Variants in FMO5 observed in about 807,000 individuals in gnomAD.
FMO5 encodes the protein flavin containing dimethylaniline monoxygenase 5, also known as flavin-containing monooxygenase 5.
Under a neutral mutation model 43.6 loss-of-function variants are expected in FMO5, and 51 were observed. That is an observed-to-expected ratio of 1.17 (90% CI 0.93 to 1.48). The LOEUF is 1.48. Ranked by LOEUF, FMO5 falls within the 40% of genes most tolerant of loss-of-function variation. The pLI is 0.00. For missense variants in FMO5, 644 were observed against 643.0 expected (o/e 1.00, Z -0.02); for synonymous variants, 187 against 216.5 (o/e 0.86, Z 1.20).
chr1:147,191,118 A>G (rs1656687925), intron 7 of FMO5, among the ~76,000 whole-genome samples: 1 of 152,034 alleles, frequency 6.6e-6, no homozygotes, highest in Non-Finnish European at 1.5e-5. Flanking sequence ...AGACTTTGCT[A>G]TTGTGAATAG....
chr1:147,226,179 G>A (rs1204414164), upstream of FMO5, among the ~76,000 whole-genome samples: 3 of 151,538 alleles, frequency 2.0e-5, no homozygotes, highest in Admixed American at 2.0e-4. Context: ...GTGGGAGGAG[G>A]GCAGCAGTAG....
intron 6 of FMO5, chr1:147,203,968 T>G (rs1659505122): frequency 1.2e-5 from 15 of 1,232,402 alleles, no homozygotes; most frequent in Non-Finnish European, 1.8e-5. Flanking sequence ...TACAGAGTCT[T>G]CGGACATCCC....
At chr1:147,207,620 T>A (rs587639757) in intron 6 of FMO5, among the ~76,000 whole-genome samples, 1 of 152,340 alleles carries the variant, frequency 6.6e-6, no homozygotes, top group East Asian at 1.9e-4. Flanking sequence ...TTTCTCTACA[T>A]CTCAGTTTTT....
intron 7 of FMO5, among the ~76,000 whole-genome samples, chr1:147,193,633 TG>T (rs1269380887): frequency 6.6e-6 from 1 of 152,210 alleles, no homozygotes; most frequent in African/African-American, 2.4e-5. Flanking sequence ...TGCTTTCTCT[TG>T]TGGGCATTTA....
rs11800925 is a variant in FMO5 at position 147,207,068 on chromosome 1, G to A, written c.830+1784C>T. On this transcript the variant is annotated intron_variant, in intron 6 of 8. Transcript: ENST00000254090. ...ATAAAAAATACTATTAGGGCAACTG[G>A]GGATATTGCCAATGTATTAATGTAT... Among the ~76,000 whole-genome samples the A allele has an allele frequency of 9.9e-3, 1,497 of 151,700 alleles. 25 individuals are homozygous for A. The highest frequency in any genetic ancestry group is 0.034 in the African/African-American group (1,423 of 41,320).
intron 7 of FMO5, among the ~76,000 whole-genome samples, chr1:147,191,974 G>C (rs1372811456): frequency 6.6e-6 from 1 of 152,040 alleles, no homozygotes; most frequent in African/African-American, 2.4e-5. Context: ...TTTTGGCTTA[G>C]GATTGACTTG....
At chr1:147,204,802 C>T (rs41480846) in intron 6 of FMO5, 48,789 of 1,599,242 alleles carry the variant, frequency 0.031, 1,125 homozygotes, top group South Asian at 0.089. Context: ...ATATGCTGTA[C>T]GAGTGGTTTG....
intron 5 of FMO5, chr1:147,210,229 T>C (rs1336961968): frequency 6.6e-6 from 1 of 152,172 alleles, no homozygotes; most frequent in African/African-American, 2.4e-5. Context: ...TTAAGAAATG[T>C]TTGATTGATT....
At chr1:147,184,487 A>G (rs1655450845), downstream of FMO5, 1 of 1,519,722 alleles carries the variant, frequency 6.6e-7, no homozygotes, top group Non-Finnish European at 8.8e-7. The surrounding 1 kb of genome is among the most constrained non-coding windows in gnomAD (Gnocchi z 4.4). Flanking sequence ...CATTACATTT[A>G]GATGTTATGT....
chr1:147,198,096 A>G (rs377141155), intron 7 of FMO5, among the ~76,000 whole-genome samples: 3 of 152,268 alleles, frequency 2.0e-5, no homozygotes, highest in Admixed American at 6.5e-5. Context: ...TAATGTTATG[A>G]GAGAAAAGAG....
At chr1:147,202,118 G>T (rs1553921139) in intron 6 of FMO5, among the ~76,000 whole-genome samples, 1 of 152,080 alleles carries the variant, frequency 6.6e-6, no homozygotes, top group African/African-American at 2.4e-5. Flanking sequence ...TAGGATTTTA[G>T]AATTTATCTC....
intron 3 of FMO5, among the ~76,000 whole-genome samples, chr1:147,214,397 G>C (rs1033235570): frequency 1.3e-5 from 2 of 151,380 alleles, no homozygotes; most frequent in African/African-American, 2.4e-5. Flanking sequence ...GTTGCAGTGA[G>C]CCGAGATCGT....
intron 7 of FMO5, among the ~76,000 whole-genome samples, chr1:147,191,597 T>G (rs1656836551): frequency 6.6e-6 from 1 of 151,958 alleles, no homozygotes; most frequent in East Asian, 1.9e-4. Context: ...CTTTGTCAGA[T>G]GAGTAGGTTG....
upstream of FMO5, among the ~76,000 whole-genome samples, chr1:147,227,254 T>C (rs781952468): frequency 6.6e-6 from 1 of 152,244 alleles, no homozygotes; most frequent in Non-Finnish European, 1.5e-5. Flanking sequence ...CCATTTTATA[T>C]GCTAGAAGTT....
At chr1:147,219,841 T>TC (rs1303530376) in intron 2 of FMO5, among the ~76,000 whole-genome samples, 78 of 27,860 alleles carry the variant, frequency 2.8e-3, no homozygotes, top group African/African-American at 4.6e-3. Flanking sequence ...TGTTAATTGC[T>TC]TTTTTTTTTT....
Position 147,213,478 on chromosome 1 carries a change from G to A in FMO5, c.325-8C>T, listed in dbSNP as rs1553924274. 1.3e-6 allele frequency: 2 copies of A among 1,593,512 alleles called. No homozygotes were observed. Among genetic ancestry groups the A allele is most frequent in the Admixed American group, 1.7e-5 (1 of 57,836 alleles). ...CACACTGCACACAGTGGTCTGAAAA[G>A]AAAAGTGATAACCACAGGGGACATC... is the stretch of plus-strand genomic sequence containing the variant. On this transcript the variant is annotated splice_polypyrimidine_tract_variant and splice_region_variant and intron_variant, in intron 3 of 8. Transcript: ENST00000254090.
intron 3 of FMO5, among the ~76,000 whole-genome samples, chr1:147,213,673 G>A (rs1429402051): frequency 6.6e-6 from 1 of 152,172 alleles, no homozygotes; most frequent in Non-Finnish European, 1.5e-5. Flanking sequence ...AAATAACATA[G>A]TGTTGGCAGG....
intron 7 of FMO5, among the ~76,000 whole-genome samples, chr1:147,191,813 A>G (rs1656890146): frequency 6.6e-6 from 1 of 152,080 alleles, no homozygotes; most frequent in Admixed American, 6.5e-5. Context: ...CAAAGATCAG[A>G]TGGTTGTAGA....
At chr1:147,226,634 G>T (rs113052531), upstream of FMO5, among the ~76,000 whole-genome samples, 3 of 152,098 alleles carry the variant, frequency 2.0e-5, no homozygotes, top group Non-Finnish European at 4.4e-5. Flanking sequence ...GTTGTAAGAG[G>T]CATGGATTGT....
Sources: gnomAD v4.1 joint callset for allele counts (sites outside exome capture counted in the v4.1 genomes callset) on GRCh38, gnomAD v4.1.1 for gene constraint, Gnocchi (gnomAD v3.1) non-coding constraint, MANE v1.5 for transcripts, NCBI Gene and HGNC (gene_info 2026-07-23, HGNC 2026-07-21) for gene names.